MED13L: variants seen among roughly 807,000 people sequenced by gnomAD.
The protein encoded by MED13L is mediator complex subunit 13L.
Under a neutral mutation model 220.9 loss-of-function variants are expected in MED13L, and 7 were observed. The ratio of observed to expected loss-of-function variants is 0.03; its 90% CI spans 0.02 to 0.06. The LOEUF (loss-of-function observed/expected upper bound fraction) is 0.06. Among genes scored for constraint, MED13L ranks in the 10% least tolerant of loss-of-function variants. The pLI, the probability that MED13L is intolerant of heterozygous loss-of-function variation, is 1.00. For synonymous variants in MED13L, 1,011 were observed against 1,015.2 expected (o/e 1.00, Z 0.08); for missense variants, 1,965 against 2,760.5 (o/e 0.71, Z 6.46).
At chr12:116,221,799 T>A (rs1868467566) in intron 2 of MED13L, among the ~76,000 whole-genome samples, 2 of 152,190 alleles carry the variant, frequency 1.3e-5, no homozygotes, top group African/African-American at 4.8e-5. Context: ...AACCGATAAT[T>A]AAGAGACATC....
At chr12:116,226,729 T>G (rs539144485) in intron 2 of MED13L, among the ~76,000 whole-genome samples, 1 of 152,064 alleles carries the variant, frequency 6.6e-6, no homozygotes, top group African/African-American at 2.4e-5. Flanking sequence ...ACTAGCCAGG[T>G]GTGGTGGCAC....
rs1033950241 is a variant in MED13L at position 115,960,286 on chromosome 12, T to C, written c.*980A>G. The C allele has an allele frequency of 1.3e-5, 2 of 152,638 alleles. No individual in the cohort carries two copies. The highest frequency in any genetic ancestry group is 4.8e-5 in the African/African-American group (2 of 41,458). 9.5% of individuals were successfully genotyped at this position (152,638 alleles called of 1,614,324 possible). On this transcript the variant is annotated 3_prime_UTR_variant, in exon 31 of 31. Transcript: ENST00000281928. ...ATGAGAGGAGAGACCTGGCTTCCAA[T>C]AAGAATTCACTAGAAAATATATTTC...
chr12:116,183,648 A>C (rs2138233411), intron 2 of MED13L, among the ~76,000 whole-genome samples: 1 of 152,318 alleles, frequency 6.6e-6, no homozygotes, highest in Non-Finnish European at 1.5e-5. Context: ...TCATTTTTCA[A>C]AGACAAATAT....
At chr12:115,968,878 C>T in intron 28 of MED13L, 62 bp downstream of exon 28, 2 of 1,584,050 alleles carry the variant, frequency 1.3e-6, no homozygotes, top group Non-Finnish European at 1.7e-6. Flanking sequence ...ATCAGATGTC[C>T]AGTGGATTAT....
At chr12:116,081,340 T>G (rs1871229119) in intron 4 of MED13L, among the ~76,000 whole-genome samples, 1 of 152,240 alleles carries the variant, frequency 6.6e-6, no homozygotes, top group African/African-American at 2.4e-5. Flanking sequence ...TTTGTCTTTT[T>G]GTAAACTGTA....
chr12:116,132,491 T>C (rs1431007692), intron 2 of MED13L, among the ~76,000 whole-genome samples: 2 of 152,088 alleles, frequency 1.3e-5, no homozygotes, highest in Non-Finnish European at 2.9e-5. Flanking sequence ...CATTAGCATT[T>C]GGAGTAAATG....
intron 2 of MED13L, among the ~76,000 whole-genome samples, chr12:116,189,550 G>A (rs1485665505): frequency 6.6e-6 from 1 of 151,968 alleles, no homozygotes; most frequent in Non-Finnish European, 1.5e-5. Flanking sequence ...TTTGGTATCA[G>A]TTCTAAGAAC....
intron 2 of MED13L, among the ~76,000 whole-genome samples, chr12:116,168,083 T>C (rs1183749428): frequency 6.6e-6 from 1 of 152,142 alleles, no homozygotes; most frequent in Non-Finnish European, 1.5e-5. Context: ...CATGTGTCAA[T>C]CCTATCACCA....
At chr12:116,076,563 A>C (rs1870819235) in intron 4 of MED13L, among the ~76,000 whole-genome samples, 1 of 152,062 alleles carries the variant, frequency 6.6e-6, no homozygotes, top group Non-Finnish European at 1.5e-5. Flanking sequence ...AAAAACCAAA[A>C]ACTACAAAAC....
intron 5 of MED13L, among the ~76,000 whole-genome samples, chr12:116,022,157 T>C (rs1880096575): frequency 6.6e-6 from 1 of 152,246 alleles, no homozygotes; most frequent in Non-Finnish European, 1.5e-5. Context: ...CATTGAATTC[T>C]ATTTTTCAAG....
chr12:116,124,254 T>C (rs765628385), intron 2 of MED13L, among the ~76,000 whole-genome samples: 8 of 152,024 alleles, frequency 5.3e-5, no homozygotes, highest in Non-Finnish European at 1.0e-4. Context: ...CTCAGTGCCA[T>C]CTCCTTGAGA....
intron 1 of MED13L, among the ~76,000 whole-genome samples, chr12:116,245,493 A>C (rs527693182): frequency 8.7e-4 from 132 of 152,364 alleles, no homozygotes; most frequent in Admixed American, 3.0e-3. Flanking sequence ...GAGGAATTAC[A>C]GAAACAAAAA....
intron 25 of MED13L, 133 bp downstream of exon 25, chr12:115,975,038 A>G (rs1876839141): frequency 1.1e-6 from 1 of 949,136 alleles, no homozygotes; most frequent in Non-Finnish European, 1.6e-6. Context: ...TATCCTGTAC[A>G]TATAAAAGAA....
At chr12:116,041,664 G>A (rs1299571387) in intron 4 of MED13L, among the ~76,000 whole-genome samples, 1 of 152,186 alleles carries the variant, frequency 6.6e-6, no homozygotes, top group Non-Finnish European at 1.5e-5. Context: ...CTAACACGGT[G>A]AAACCCCGTC....
chr12:116,090,068 C>A (rs1872056447), intron 4 of MED13L, among the ~76,000 whole-genome samples: 1 of 152,074 alleles, frequency 6.6e-6, no homozygotes, highest in Admixed American at 6.6e-5. Flanking sequence ...GAAAAACATA[C>A]CATGAACAAC....
At chr12:116,104,603 A>G (rs1444924548) in intron 3 of MED13L, among the ~76,000 whole-genome samples, 2 of 152,194 alleles carry the variant, frequency 1.3e-5, no homozygotes, top group South Asian at 4.1e-4. Context: ...TGCTCTGAAG[A>G]GCCATTATGT....
chr12:116,253,763 T>C (rs994985501), intron 1 of MED13L, among the ~76,000 whole-genome samples: 1 of 138,194 alleles, frequency 7.2e-6, no homozygotes, highest in African/African-American at 2.7e-5. Flanking sequence ...GTTTTTTTTT[T>C]TTTTTTTTTT....
rs769094666 is a variant in MED13L at position 116,022,616 on chromosome 12, A to C, written c.480-15T>G. On this transcript the variant is annotated splice_polypyrimidine_tract_variant and intron_variant, in intron 4 of 30. Transcript: ENST00000281928. Reference sequence around the variant, plus strand: ...ACAAATGCTCACTACAAAAGAGAGAATGAGAAACTCAACTTTATATTTTGG... The same window carrying C: ...ACAAATGCTCACTACAAAAGAGAGACTGAGAAACTCAACTTTATATTTTGG... 6.2e-7 allele frequency: 1 copy of C among 1,609,114 alleles called. No homozygotes were observed. Among genetic ancestry groups the C allele is most frequent in the South Asian group, 1.1e-5 (1 of 90,294 alleles).
intron 2 of MED13L, among the ~76,000 whole-genome samples, chr12:116,178,864 A>C (rs989557962): frequency 6.6e-6 from 1 of 152,202 alleles, no homozygotes; most frequent in Non-Finnish European, 1.5e-5. Context: ...AATTAATCTA[A>C]CATCTTTTTA....
Sources: allele counts gnomAD v4.1 joint callset (sites outside exome capture counted in the v4.1 genomes callset), GRCh38; gene constraint gnomAD v4.1.1; transcripts MANE v1.5; gene names NCBI Gene and HGNC (gene_info 2026-07-23, HGNC 2026-07-21).